The following GPHN variants were observed in gnomAD, a reference collection of about 807,000 sequenced individuals.
The protein encoded by GPHN is gephyrin.
A neutral mutation model predicts 95.5 loss-of-function variants in GPHN; 17 were observed. That is an observed-to-expected ratio of 0.18 (90% CI 0.12 to 0.27). The LOEUF (loss-of-function observed/expected upper bound fraction) is 0.27, where lower values mean the gene tolerates loss of function less well. Ranked by LOEUF, GPHN falls within the 10% of genes least tolerant of loss-of-function variation. The pLI is 1.00. For missense variants in GPHN, 660 were observed against 978.1 expected (o/e 0.67, Z 4.34); for synonymous variants, 320 against 322.5 (o/e 0.99, Z 0.08).
the GPHN span, among the ~76,000 whole-genome samples, chr14:67,420,605 G>A: frequency 2.6e-5 from 4 of 152,208 alleles, no homozygotes; most frequent in African/African-American, 9.6e-5. Flanking sequence ...AGTCAGAAGA[G>A]CCAGCTAATT....
At chr14:67,206,408 A>G in the GPHN span, among the ~76,000 whole-genome samples, 1 of 152,128 alleles carries the variant, frequency 6.6e-6, no homozygotes, top group East Asian at 1.9e-4. Context: ...AGGCAGGAGA[A>G]TTGTTTGAAA....
chr14:67,572,087 G>A, the GPHN span: 4 of 1,574,496 alleles, frequency 2.5e-6, no homozygotes, highest in Non-Finnish European at 3.4e-6. Context: ...GGCTGCGTGA[G>A]TCGGGGAGGT....
intron 5 of GPHN, among the ~76,000 whole-genome samples, chr14:66,899,896 G>C (rs1226199947): frequency 1.3e-5 from 2 of 151,674 alleles, no homozygotes; most frequent in Admixed American, 6.6e-5. Context: ...CTGTCCTAGA[G>C]CTTTATTTTT....
At chr14:66,514,682 T>C (rs547457215) in intron 1 of GPHN, among the ~76,000 whole-genome samples, 1 of 152,220 alleles carries the variant, frequency 6.6e-6, no homozygotes, top group African/African-American at 2.4e-5. Flanking sequence ...GGAAAATATT[T>C]AGATTTTTTA....
chr14:66,524,313 A>G (rs1431232682), intron 1 of GPHN, among the ~76,000 whole-genome samples: 3 of 152,066 alleles, frequency 2.0e-5, no homozygotes, highest in Non-Finnish European at 4.4e-5. Flanking sequence ...AAATTAGTAG[A>G]TGAGGACCTT....
chr14:67,572,418 G>T, the GPHN span: 170 of 632,324 alleles, frequency 2.7e-4, no homozygotes, highest in South Asian at 5.6e-4. Context: ...GGCGTGGGCT[G>T]GGGGGGTGTA....
intron 3 of GPHN, 146 bp downstream of exon 3, chr14:66,776,667 A>G (rs1383945222): frequency 3.0e-6 from 2 of 675,498 alleles, no homozygotes; most frequent in East Asian, 2.7e-5. Context: ...AAAAATTTAT[A>G]TGTATCAGAT....
intron 1 of GPHN, among the ~76,000 whole-genome samples, chr14:66,666,428 T>C (rs2065962699): frequency 6.6e-6 from 1 of 151,730 alleles, no homozygotes; most frequent in Non-Finnish European, 1.5e-5. Flanking sequence ...AAAAAGCTTG[T>C]CCACCAGAGT....
intron 5 of GPHN, 96 bp from the exon 6 acceptor site, chr14:66,915,907 C>A: frequency 2.6e-6 from 2 of 780,042 alleles, no homozygotes; most frequent in Non-Finnish European, 4.7e-6. Flanking sequence ...AACAGTTGTT[C>A]ACATGTAAAG....
intron 11 of GPHN, among the ~76,000 whole-genome samples, chr14:67,083,865 C>G (rs545787608): frequency 2.9e-4 from 44 of 152,276 alleles, no homozygotes; most frequent in Admixed American, 2.9e-3. Context: ...ATATCCTTCT[C>G]TATTTTATAT....
At chr14:67,602,854 A>G in the GPHN span, among the ~76,000 whole-genome samples, 2 of 152,244 alleles carry the variant, frequency 1.3e-5, no homozygotes, top group African/African-American at 4.8e-5. Context: ...TAATGTGTCA[A>G]TAAAGAGAAA....
chr14:67,312,801 T>C, the GPHN span: 1 of 1,013,018 alleles, frequency 9.9e-7, no homozygotes, highest in Non-Finnish European at 1.3e-6. Context: ...TTCATGCCTC[T>C]ATTTAATAAA....
At chr14:67,335,052 A>G in the GPHN span, 7 of 152,196 alleles carry the variant, frequency 4.6e-5, no homozygotes, top group African/African-American at 1.7e-4. Flanking sequence ...ATTCAGGAAC[A>G]TGGCTTTAAC....
intron 1 of GPHN, among the ~76,000 whole-genome samples, chr14:66,651,247 A>G (rs2065028975): frequency 6.6e-6 from 1 of 152,200 alleles, no homozygotes; most frequent in Non-Finnish European, 1.5e-5. Context: ...TGTGTGACCT[A>G]TTCAACCTGC....
At chr14:67,658,402 G>A in the GPHN span, among the ~76,000 whole-genome samples, 1 of 152,118 alleles carries the variant, frequency 6.6e-6, no homozygotes, top group East Asian at 1.9e-4. Flanking sequence ...AGATCATCCT[G>A]GCTAACACGG....
intron 8 of GPHN, among the ~76,000 whole-genome samples, chr14:66,931,530 A>G (rs2066799087): frequency 6.6e-6 from 1 of 152,154 alleles, no homozygotes; most frequent in Non-Finnish European, 1.5e-5. Flanking sequence ...TAGATCCTAT[A>G]GGTGTGCTTC....
At chr14:66,996,871 T>G (rs2071841678) in intron 9 of GPHN, among the ~76,000 whole-genome samples, 1 of 152,010 alleles carries the variant, frequency 6.6e-6, no homozygotes, top group Admixed American at 6.6e-5. Context: ...TGGCCTATTT[T>G]CCTTGTCTTT....
At chr14:67,019,531 G>A (rs939242544) in intron 9 of GPHN, among the ~76,000 whole-genome samples, 7 of 152,070 alleles carry the variant, frequency 4.6e-5, no homozygotes, top group African/African-American at 1.4e-4. Flanking sequence ...TTTTGAAATC[G>A]GATTTGTGTT....
intron 21 of GPHN, among the ~76,000 whole-genome samples, chr14:67,172,560 C>T (rs958874948): frequency 6.6e-6 from 1 of 152,106 alleles, no homozygotes; most frequent in African/African-American, 2.4e-5. Context: ...AACTGAGCAG[C>T]TGGGCATCCA....
Sources: allele counts gnomAD v4.1 joint callset (sites outside exome capture counted in the v4.1 genomes callset), GRCh38; gene constraint gnomAD v4.1.1; transcripts MANE v1.5; gene names NCBI Gene and HGNC (gene_info 2026-07-23, HGNC 2026-07-21).